STK39: variants seen among roughly 807,000 people sequenced by gnomAD.
STK39 encodes the protein serine/threonine kinase 39.
Under a neutral mutation model 77.8 loss-of-function variants are expected in STK39, and 20 were observed. That is an observed-to-expected ratio of 0.26 (90% CI 0.18 to 0.37). The LOEUF is 0.37. Ranked by LOEUF, STK39 falls within the 10% of genes least tolerant of loss-of-function variation. The pLI is 1.00. For synonymous variants in STK39, 246 were observed against 234.1 expected, an observed-to-expected ratio of 1.05 and a Z score of -0.47; for missense variants, 479 against 656.5, an observed-to-expected ratio of 0.73 and a Z score of 2.95.
At chr2:168,061,778 C>T (rs79987872) in intron 14 of STK39, among the ~76,000 whole-genome samples, 2,807 of 152,280 alleles carry the variant, frequency 0.018, 50 homozygotes, top group Non-Finnish European at 0.027. Context: ...TGCAAATATA[C>T]AAATGGCTCT....
At chr2:168,046,436 G>A (rs995029157) in intron 14 of STK39, among the ~76,000 whole-genome samples, 1 of 152,174 alleles carries the variant, frequency 6.6e-6, no homozygotes, top group African/African-American at 2.4e-5. Context: ...GTGCAGAGAA[G>A]GAGCAGCCGT....
At chr2:168,012,607 G>A in intron 16 of STK39, 27 bp downstream of exon 16, 1 of 1,596,854 alleles carries the variant, frequency 6.3e-7, no homozygotes, top group African/African-American at 1.3e-5. Flanking sequence ...CCAACAAAAT[G>A]ACAGTGCATA....
chr2:168,241,495 T>G (rs1690756404), intron 1 of STK39, among the ~76,000 whole-genome samples: 2 of 152,126 alleles, frequency 1.3e-5, no homozygotes. Context: ...CTGTCCAAAT[T>G]GCCAGGAGCT....
At chr2:168,114,427 A>C (rs1687205015) in intron 10 of STK39, among the ~76,000 whole-genome samples, 1 of 152,194 alleles carries the variant, frequency 6.6e-6, no homozygotes, top group African/African-American at 2.4e-5. Flanking sequence ...CAAAAAAAGC[A>C]TTTTTAGAAT....
chr2:167,976,760 A>G (rs536293648), intron 16 of STK39, among the ~76,000 whole-genome samples: 1 of 152,196 alleles, frequency 6.6e-6, no homozygotes, highest in East Asian at 1.9e-4. Context: ...ACCCAACCAC[A>G]TCCCTTCCTC....
chr2:168,023,078 C>T (rs1180658775), intron 14 of STK39, among the ~76,000 whole-genome samples: 2 of 151,968 alleles, frequency 1.3e-5, no homozygotes, highest in Non-Finnish European at 2.9e-5. Context: ...CCATACCTGG[C>T]TAATTTTTTA....
At chr2:168,235,865 C>T (rs375597237) in intron 1 of STK39, among the ~76,000 whole-genome samples, 74 of 152,196 alleles carry the variant, frequency 4.9e-4, no homozygotes, top group Middle Eastern at 3.4e-3. Context: ...TGTTGGACAT[C>T]TGGGTTGGTT....
intron 16 of STK39, among the ~76,000 whole-genome samples, chr2:167,969,896 G>T (rs982447341): frequency 1.3e-5 from 2 of 152,070 alleles, no homozygotes; most frequent in Non-Finnish European, 2.9e-5. Context: ...CTCTACAATG[G>T]TCTACCAAAC....
intron 14 of STK39, among the ~76,000 whole-genome samples, chr2:168,020,041 A>G (rs1276183177): frequency 6.6e-6 from 1 of 152,100 alleles, no homozygotes; most frequent in East Asian, 1.9e-4. Context: ...ACCACTGCAC[A>G]TTTACATAGT....
intron 15 of STK39, among the ~76,000 whole-genome samples, chr2:168,014,302 T>A (rs532534504): frequency 6.6e-6 from 1 of 151,910 alleles, no homozygotes; most frequent in African/African-American, 2.4e-5. Flanking sequence ...CTGGGCAACA[T>A]AGGGAGACGC....
chr2:168,192,736 T>C (rs1378524546), intron 1 of STK39, among the ~76,000 whole-genome samples: 1 of 152,226 alleles, frequency 6.6e-6, no homozygotes, highest in Non-Finnish European at 1.5e-5. Context: ...AATATAAATG[T>C]ACATGTCTAG....
At chr2:167,996,844 A>G (rs1440773917) in intron 16 of STK39, among the ~76,000 whole-genome samples, 1 of 152,014 alleles carries the variant, frequency 6.6e-6, no homozygotes, top group Non-Finnish European at 1.5e-5. Flanking sequence ...GGAACTGCAG[A>G]GCAAAGGGTG....
chr2:168,011,508 T>C (rs905645790), intron 16 of STK39, among the ~76,000 whole-genome samples: 2 of 152,172 alleles, frequency 1.3e-5, no homozygotes, highest in Non-Finnish European at 2.9e-5. Flanking sequence ...ATTATGATTA[T>C]ACAGTAATAC....
intron 10 of STK39, among the ~76,000 whole-genome samples, chr2:168,113,505 A>G (rs1394818111): frequency 6.6e-6 from 1 of 152,238 alleles, no homozygotes; most frequent in Non-Finnish European, 1.5e-5. Flanking sequence ...AGAATTATAA[A>G]TGACAGTGAG....
intron 14 of STK39, among the ~76,000 whole-genome samples, chr2:168,059,859 C>G (rs13013235): frequency 0.75 from 114,471 of 152,040 alleles, 43,388 homozygotes; most frequent in Admixed American, 0.82. Flanking sequence ...TATCATACAA[C>G]CAATTTGAAT....
At chr2:168,217,898 A>G (rs1465518388) in intron 1 of STK39, among the ~76,000 whole-genome samples, 2 of 152,242 alleles carry the variant, frequency 1.3e-5, no homozygotes, top group East Asian at 3.8e-4. Context: ...CTAGAAACAT[A>G]GTCTCCTATG....
At chr2:167,991,115 GCT>G (rs755472050) in intron 16 of STK39, among the ~76,000 whole-genome samples, 2 of 152,178 alleles carry the variant, frequency 1.3e-5, no homozygotes, top group Non-Finnish European at 2.9e-5. Flanking sequence ...ACTTTTCAAA[GCT>G]TGCTAGTCTG....
chr2:168,130,848 C>T (rs1250916300), intron 8 of STK39, among the ~76,000 whole-genome samples: 1 of 152,156 alleles, frequency 6.6e-6, no homozygotes, highest in East Asian at 1.9e-4. Flanking sequence ...TAGGGTTGCT[C>T]AGCAAGACAA....
intron 1 of STK39, among the ~76,000 whole-genome samples, chr2:168,201,753 C>T (rs1046779582): frequency 1.3e-5 from 2 of 152,114 alleles, no homozygotes; most frequent in Non-Finnish European, 2.9e-5. Context: ...AAACCACCCC[C>T]CTTCTAATCT....
Sources: allele counts gnomAD v4.1 joint callset (sites outside exome capture counted in the v4.1 genomes callset), GRCh38; gene constraint gnomAD v4.1.1; transcripts MANE v1.5; gene names NCBI Gene and HGNC (gene_info 2026-07-23, HGNC 2026-07-21).